COL4A3: variants seen among roughly 807,000 people sequenced by gnomAD.
COL4A3 encodes collagen alpha-3(IV) chain.
In COL4A3, 135 loss-of-function variants were observed where a neutral mutation model predicts 217.4. That is an observed-to-expected ratio of 0.62 (90% CI 0.54 to 0.72). The LOEUF (loss-of-function observed/expected upper bound fraction) is 0.72. Ranked by LOEUF, COL4A3 falls within the 30% of genes least tolerant of loss-of-function variation. The probability of loss-of-function intolerance (pLI) is 0.00; values close to 1 mark genes in which losing one functional copy is unlikely to be tolerated. For missense variants in COL4A3, 1,868 were observed against 2,119.9 expected (o/e 0.88, Z 2.33); for synonymous variants, 690 against 736.3 (o/e 0.94, Z 1.02).
chr2:227,244,375 CA>C lies in COL4A3; in HGVS notation c.279+13del. Reference sequence around the variant, plus strand: ...TCCAAAGGTGTAAGGGTTAGTAGTCCAACCAGTCCACCCTGATCGTTAAAAG... The same window carrying C: ...TCCAAAGGTGTAAGGGTTAGTAGTCCACCAGTCCACCCTGATCGTTAAAAG... On this transcript the variant is annotated intron_variant, in intron 4 of 51. Coordinates refer to ENST00000396578, the MANE Select transcript of COL4A3 (RefSeq NM_000091.5). The C allele has an allele frequency of 1.2e-6, 2 of 1,612,698 alleles. No homozygotes were observed. Among genetic ancestry groups the C allele is most frequent in the East Asian group, 4.5e-5 (2 of 44,864 alleles).
At chr2:227,176,683 G>A (rs2065686286) in intron 1 of COL4A3, among the ~76,000 whole-genome samples, 1 of 152,174 alleles carries the variant, frequency 6.6e-6, no homozygotes, top group Non-Finnish European at 1.5e-5. Flanking sequence ...AAAACAGTCA[G>A]GTCATTGGAT....
chr2:227,207,825 T>C (rs1204985361), intron 1 of COL4A3, among the ~76,000 whole-genome samples: 1 of 152,200 alleles, frequency 6.6e-6, no homozygotes, highest in African/African-American at 2.4e-5. Context: ...GCTCTGGAGC[T>C]TCTAAGCCCA....
intron 32 of COL4A3, 118 bp from the exon 33 acceptor site, chr2:227,283,649 G>A (rs999053219): frequency 1.2e-6 from 1 of 848,872 alleles, no homozygotes; most frequent in Non-Finnish European, 2.0e-6. Context: ...TATGTACAGA[G>A]GCCATTTTTT....
Position 227,302,443 on chromosome 2 carries a change from G to A in COL4A3, c.3883-595G>A, listed in dbSNP as rs181031732. On this transcript the variant is annotated intron_variant, in intron 43 of 51. Coordinates refer to ENST00000396578, the MANE Select transcript of COL4A3 (RefSeq NM_000091.5). ...TATAATCCCAGCACTTTGGGAGGCC[G>A]AGGTGGGCAGATCATTTGAGGTCAG... 7.6e-4 allele frequency among the ~76,000 whole-genome samples: 116 copies of A among 152,182 alleles called. 1 individual carries two copies. The East Asian group carries it at 0.02, about 26-fold the overall frequency.
intron 1 of COL4A3, among the ~76,000 whole-genome samples, chr2:227,169,623 G>T (rs970478675): frequency 3.9e-5 from 6 of 152,040 alleles, no homozygotes; most frequent in African/African-American, 1.5e-4. Context: ...GTTTTGATTC[G>T]CATTTCTATG....
chr2:227,249,226 A>ATTTTT (rs1225037194), intron 9 of COL4A3, among the ~76,000 whole-genome samples: 2 of 24,212 alleles, frequency 8.3e-5, no homozygotes, highest in African/African-American at 1.4e-4. Flanking sequence ...ATATATATAT[A>ATTTTT]TATATTTTTT....
intron 41 of COL4A3, chr2:227,296,465 T>C: frequency 1.0e-6 from 1 of 974,846 alleles, no homozygotes; most frequent in Non-Finnish European, 1.2e-6. Flanking sequence ...AAGTGAATGA[T>C]TATGCACCTC....
chr2:227,199,273 T>C (rs1480724542), intron 1 of COL4A3, among the ~76,000 whole-genome samples: 1 of 152,200 alleles, frequency 6.6e-6, no homozygotes, highest in African/African-American at 2.4e-5. Flanking sequence ...GCAGAGTTAG[T>C]CATGAATTTC....
At chr2:227,225,242 T>C (rs1219000087) in intron 1 of COL4A3, among the ~76,000 whole-genome samples, 2 of 152,188 alleles carry the variant, frequency 1.3e-5, no homozygotes, top group Admixed American at 6.5e-5. Flanking sequence ...AGATTTTTTT[T>C]CAAATGGTCC....
intron 1 of COL4A3, among the ~76,000 whole-genome samples, chr2:227,204,382 A>G (rs1350875209): frequency 6.6e-6 from 1 of 150,794 alleles, no homozygotes; most frequent in Non-Finnish European, 1.5e-5. Flanking sequence ...CTCTTTCTCT[A>G]TCTTATGTTC....
rs139028812 is a variant in COL4A3, at chr2:227,213,778, C to T, written c.88-24190C>T. Among the ~76,000 whole-genome samples the T allele has an allele frequency of 3.6e-3, 549 of 151,180 alleles. 4 individuals carry two copies. The highest frequency in any genetic ancestry group is 4.7e-3 in the Non-Finnish European group (321 of 67,782). On this transcript the variant is annotated intron_variant, in intron 1 of 51. Coordinates refer to ENST00000396578, the MANE Select transcript of COL4A3 (RefSeq NM_000091.5). The stretch of plus-strand genomic sequence containing the variant: ...TTAGCCAGGTATGGTGACAAGTGCC[C>T]GTAAACCCAGCTACTCGGGAGGCTG...
At chr2:227,192,894 A>G (rs1466046101) in intron 1 of COL4A3, among the ~76,000 whole-genome samples, 1 of 152,238 alleles carries the variant, frequency 6.6e-6, no homozygotes, top group Admixed American at 6.5e-5. Flanking sequence ...TTCTTAAAAT[A>G]TAAGAATAAA....
intron 19 of COL4A3, among the ~76,000 whole-genome samples, chr2:227,260,429 C>G (rs991505402): frequency 1.8e-4 from 27 of 152,142 alleles, no homozygotes; most frequent in Admixed American, 2.0e-4. Context: ...CCCTGTGATT[C>G]TGATTTCATT....
rs34345055 is a variant in COL4A3 at position 227,184,891 on chromosome 2, C to CTTTTTT, written c.87+20101_87+20106dup. On this transcript the variant is annotated intron_variant, in intron 1 of 51. Coordinates refer to ENST00000396578, the MANE Select transcript of COL4A3 (RefSeq NM_000091.5). ...TCCTTTGCATGGCTGCCTCACTGGC[C>CTTTTTT]TTTTTTTTTTTTTTTTTTTTTTTTT... 9.6e-5 allele frequency among the ~76,000 whole-genome samples: 6 copies of CTTTTTT among 62,566 alleles called. 1 individual carries two copies. Among genetic ancestry groups the CTTTTTT allele is most frequent in the Non-Finnish European group, 1.8e-4 (6 of 33,950 alleles). The allele number at this position is 62,566 out of a possible 152,430, so 41.0% of individuals were successfully genotyped here.
At chr2:227,311,678 C>A in intron 51 of COL4A3, 108 bp from the exon 52 acceptor site, 1 of 1,110,762 alleles carries the variant, frequency 9.0e-7, no homozygotes, top group Non-Finnish European at 1.3e-6. Context: ...ACGCCCGACC[C>A]TGTAATAAAT....
At chr2:227,220,136 A>ATATGTGTG (rs1553743817) in intron 1 of COL4A3, among the ~76,000 whole-genome samples, 4 of 127,152 alleles carry the variant, frequency 3.1e-5, no homozygotes, top group Admixed American at 8.5e-5. Context: ...AGGCGGTTTT[A>ATATGTGTG]TGTGTGTGTG....
rs2073758433 is a variant in COL4A3, at chr2:227,311,945, G to T, written c.*75G>T. 3 of 1,586,938 alleles carry T rather than the reference G, an allele frequency of 1.9e-6. No homozygotes were observed. The highest frequency in any genetic ancestry group is 1.7e-6 in the Non-Finnish European group (2 of 1,164,258). On this transcript the variant is annotated 3_prime_UTR_variant, in exon 52 of 52. Coordinates refer to ENST00000396578, the MANE Select transcript of COL4A3 (RefSeq NM_000091.5). ...AATGACAGAACATGCTGTTATTTAG[G>T]TATTTTTCTTTAACCAAACAATATT...
At chr2:227,290,700 A>T in intron 36 of COL4A3, 47 bp from the exon 37 acceptor site, 41 of 1,545,854 alleles carry the variant, frequency 2.7e-5, no homozygotes, top group Non-Finnish European at 3.3e-5. Flanking sequence ...AAACTTCAAG[A>T]TCCTCATGTT....
rs776491147 is a variant in COL4A3 at position 227,314,097 on chromosome 2, C to T, written c.*2227C>T. 1.3e-5 allele frequency: 2 copies of T among 152,674 alleles called. No individual in the cohort carries two copies. The highest frequency in any genetic ancestry group is 6.5e-5 in the Admixed American group (1 of 15,280). 9.5% of individuals were successfully genotyped at this position (152,674 alleles called of 1,614,324 possible). On this transcript the variant is annotated 3_prime_UTR_variant, in exon 52 of 52. Transcript: ENST00000396578. Reference sequence around the variant, plus strand: ...CTGGCTACAACTGCTCCATCCGTGCCTCTTTTTAAAGTTCAAACTCACAGG... The same window carrying T: ...CTGGCTACAACTGCTCCATCCGTGCTTCTTTTTAAAGTTCAAACTCACAGG...
Sources: allele counts gnomAD v4.1 joint callset (sites outside exome capture counted in the v4.1 genomes callset), GRCh38; gene constraint gnomAD v4.1.1; transcripts MANE v1.5; gene names NCBI Gene and HGNC (gene_info 2026-07-23, HGNC 2026-07-21).